TMEM260: variants seen among roughly 807,000 people sequenced by gnomAD.
TMEM260 encodes the protein protein O-mannosyl-transferase TMEM260.
TMEM260 carries 82 observed loss-of-function variants against 88.9 expected under a neutral mutation model. That is an observed-to-expected ratio of 0.92 (90% CI 0.77 to 1.11). TMEM260 has a LOEUF of 1.11. Among genes scored for constraint, TMEM260 ranks in the 50% least tolerant of loss-of-function variants. The pLI, the probability that TMEM260 is intolerant of heterozygous loss-of-function variation, is 0.00. For missense variants in TMEM260, 902 were observed against 853.4 expected (o/e 1.06, Z -0.71); for synonymous variants, 314 against 309.3 (o/e 1.02, Z -0.16).
chr14:56,635,557 C>T (rs1214701126), intron 14 of TMEM260, among the ~76,000 whole-genome samples: 1 of 152,182 alleles, frequency 6.6e-6, no homozygotes, highest in East Asian at 1.9e-4. Context: ...CTGTATGGAA[C>T]ATTTCATAGT....
chr14:56,629,397 G>C (rs939639748), intron 12 of TMEM260, among the ~76,000 whole-genome samples: 2 of 150,562 alleles, frequency 1.3e-5, no homozygotes, highest in African/African-American at 4.9e-5. Flanking sequence ...TGTCATATAA[G>C]TCTTTTACTT....
At chr14:56,624,255 A>G (rs1225073156) in intron 11 of TMEM260, among the ~76,000 whole-genome samples, 1 of 152,172 alleles carries the variant, frequency 6.6e-6, no homozygotes, top group Non-Finnish European at 1.5e-5. Context: ...CTGGCCATCA[A>G]AGGCATTTCA....
chr14:56,599,788 A>C (rs1318837891), intron 3 of TMEM260, among the ~76,000 whole-genome samples: 2 of 152,242 alleles, frequency 1.3e-5, no homozygotes, highest in African/African-American at 4.8e-5. Flanking sequence ...TCAATTAAAC[A>C]TGTATGTGTT....
rs144456707 is a variant in TMEM260, at chr14:56,625,287, C to G, written c.1399-95C>G. ...CAATTATATATATATTAGGTTGGTGCAAAAGTAATTTAGGTTTTTGCCATT... is the reference window on the plus strand; with the variant it reads ...CAATTATATATATATTAGGTTGGTGGAAAAGTAATTTAGGTTTTTGCCATT... On this transcript the variant is annotated intron_variant, in intron 11 of 15. Transcript: ENST00000261556. The G allele has an allele frequency of 2.0e-5, 25 of 1,254,790 alleles. No homozygotes were observed. In the African/African-American group the frequency reaches 3.5e-4, roughly 18 times the overall value. The allele number at this position is 1,254,790 out of a possible 1,614,324, so 77.7% of individuals were successfully genotyped here.
the TMEM260 span, among the ~76,000 whole-genome samples, chr14:56,660,674 G>T: frequency 6.6e-6 from 1 of 152,180 alleles, no homozygotes; most frequent in Non-Finnish European, 1.5e-5. Context: ...CATAGCAAAA[G>T]ACATAGCAGA....
intron 11 of TMEM260, among the ~76,000 whole-genome samples, chr14:56,624,415 A>G (rs1218848835): frequency 1.3e-5 from 2 of 152,132 alleles, no homozygotes; most frequent in African/African-American, 4.8e-5. Flanking sequence ...GTCTATCAAA[A>G]ATACAAAAAT....
At chr14:56,580,627 TG>T (rs1885065908) in intron 1 of TMEM260, among the ~76,000 whole-genome samples, 1 of 152,142 alleles carries the variant, frequency 6.6e-6, no homozygotes, top group Non-Finnish European at 1.5e-5. Flanking sequence ...GTGTTTTAGT[TG>T]AAACCTGAAT....
intron 3 of TMEM260, among the ~76,000 whole-genome samples, chr14:56,592,060 T>C (rs1044465677): frequency 6.6e-6 from 1 of 152,232 alleles, no homozygotes; most frequent in African/African-American, 2.4e-5. Context: ...TCAGGAATAA[T>C]ACTTTATACT....
At chr14:56,618,829 AAC>A in intron 10 of TMEM260, 66 bp downstream of exon 10, 1 of 1,457,714 alleles carries the variant, frequency 6.9e-7, no homozygotes. Context: ...TTTAGATTCT[AAC>A]ACTTTATTTC....
Position 56,610,994 on chromosome 14 carries a change from TCTCA to T in TMEM260, c.817-1247_817-1244del, listed in dbSNP as rs571632375. 4.0e-3 allele frequency among the ~76,000 whole-genome samples: 578 copies of T among 145,270 alleles called. 5 individuals are homozygous for T. The highest frequency in any genetic ancestry group is 0.015 in the African/African-American group (560 of 38,148). On this transcript the variant is annotated intron_variant, in intron 6 of 15. Transcript: ENST00000261556. ...TTTTTTTTTTTTTTTTGAGACAGAG[TCTCA>T]CTCTATCACCCAGGCTGGAGTGCAG...
chr14:56,603,254 G>GA (rs60396734), intron 3 of TMEM260, among the ~76,000 whole-genome samples: 110,026 of 151,640 alleles, frequency 0.73, 41,242 homozygotes, highest in Non-Finnish European at 0.82. Flanking sequence ...GTTGTCTAAA[G>GA]AAAAAAAACC....
chr14:56,635,134 A>G (rs1888942996), intron 14 of TMEM260, among the ~76,000 whole-genome samples, 182 bp downstream of exon 14: 1 of 152,208 alleles, frequency 6.6e-6, no homozygotes, highest in Non-Finnish European at 1.5e-5. Flanking sequence ...CATCCACACA[A>G]TAACCTCTGA....
At chr14:56,598,136 T>C (rs1322745609) in intron 3 of TMEM260, among the ~76,000 whole-genome samples, 1 of 152,070 alleles carries the variant, frequency 6.6e-6, no homozygotes, top group Non-Finnish European at 1.5e-5. Flanking sequence ...AAAGTGACTC[T>C]AGCCACCTAG....
chr14:56,652,005 A>C (rs1409976672), downstream of TMEM260, among the ~76,000 whole-genome samples: 1 of 152,232 alleles, frequency 6.6e-6, no homozygotes, highest in Non-Finnish European at 1.5e-5. Context: ...CTCTCAGCTA[A>C]ATGAAATATT....
intron 3 of TMEM260, among the ~76,000 whole-genome samples, chr14:56,602,592 ATAAT>A (rs1886643384): frequency 1.3e-5 from 2 of 152,306 alleles, no homozygotes; most frequent in African/African-American, 2.4e-5. Context: ...AACTCTTAAA[ATAAT>A]TAAGTGTAAG....
rs545883134 is a variant in TMEM260 at position 56,585,402 on chromosome 14, G to T, written c.193-359G>T. ...AGCATGGTGGTAATCCGATAGCAGT[G>T]TGGTCTTTCAACTTTCTAACCAATA... On this transcript the variant is annotated intron_variant, in intron 2 of 15. Transcript: ENST00000261556. 1.3e-5 allele frequency among the ~76,000 whole-genome samples: 2 copies of T among 152,190 alleles called. 1 individual carries two copies. Among genetic ancestry groups the T allele is most frequent in the South Asian group, 4.2e-4 (2 of 4,814 alleles).
downstream of TMEM260, among the ~76,000 whole-genome samples, chr14:56,653,605 G>A (rs539974749): frequency 2.2e-4 from 33 of 151,614 alleles, no homozygotes; most frequent in South Asian, 1.3e-3. Context: ...GAGGTGGTGC[G>A]CACCTTTAAT....
At chr14:56,623,969 T>C (rs570382966) in intron 11 of TMEM260, among the ~76,000 whole-genome samples, 2 of 152,344 alleles carry the variant, frequency 1.3e-5, no homozygotes, top group African/African-American at 4.8e-5. Flanking sequence ...GAGTTAAGTA[T>C]GTGTTAAGTA....
At chr14:56,610,359 G>A (rs1446959316) in intron 6 of TMEM260, among the ~76,000 whole-genome samples, 2 of 152,098 alleles carry the variant, frequency 1.3e-5, no homozygotes, top group African/African-American at 4.8e-5. Context: ...TGCTGCCTCA[G>A]CCTCCCCAGC....
Sources: allele counts gnomAD v4.1 joint callset (sites outside exome capture counted in the v4.1 genomes callset), GRCh38; gene constraint gnomAD v4.1.1; transcripts MANE v1.5; gene names NCBI Gene and HGNC (gene_info 2026-07-23, HGNC 2026-07-21).